Variants in COPG2 observed in about 807,000 individuals in gnomAD.
COPG2 encodes the protein coatomer subunit gamma-2.
COPG2 carries 37 observed loss-of-function variants against 46.3 expected under a neutral mutation model. That is an observed-to-expected ratio of 0.80 (90% CI 0.61 to 1.05). The LOEUF (loss-of-function observed/expected upper bound fraction) is 1.05. Among genes scored for constraint, COPG2 ranks in the 50% least tolerant of loss-of-function variants. COPG2 has a pLI of 0.00. For missense variants in COPG2, 427 were observed against 387.8 expected (o/e 1.10, Z -0.85); for synonymous variants, 159 against 129.7 (o/e 1.23, Z -1.53).
chr7:130,519,618 A>T (rs1185004819), intron 20 of COPG2, among the ~76,000 whole-genome samples: 1 of 152,158 alleles, frequency 6.6e-6, no homozygotes, highest in Non-Finnish European at 1.5e-5. Flanking sequence ...GTAGAAGGGA[A>T]ATGTTCAGGT....
intron 9 of COPG2, among the ~76,000 whole-genome samples, chr7:130,591,689 C>T (rs1554448983): frequency 6.8e-6 from 1 of 146,480 alleles, no homozygotes; most frequent in East Asian, 2.1e-4. Context: ...AAGTGAGGAG[C>T]CCCTCTGCCC....
chr7:130,656,914 A>T (rs1304887772), intron 4 of COPG2, among the ~76,000 whole-genome samples: 1 of 151,208 alleles, frequency 6.6e-6, no homozygotes, highest in Non-Finnish European at 1.5e-5. Flanking sequence ...CCAAAGTTCC[A>T]GCAGCATTTT....
intron 3 of COPG2, among the ~76,000 whole-genome samples, chr7:130,664,533 AG>A (rs1777685550): frequency 6.6e-6 from 1 of 152,224 alleles, no homozygotes; most frequent in Admixed American, 6.5e-5. Context: ...GAAATTCAAA[AG>A]TATCTTTCTA....
At chr7:130,582,571 T>C (rs1156826448) in intron 9 of COPG2, among the ~76,000 whole-genome samples, 2 of 150,950 alleles carry the variant, frequency 1.3e-5, no homozygotes, top group Admixed American at 6.6e-5. Context: ...ACCTACAAAA[T>C]GGGAGAAAAT....
chr7:130,608,382 C>T, intron 9 of COPG2: 1 of 234,414 alleles, frequency 4.3e-6, no homozygotes, highest in Non-Finnish European at 8.5e-6. Flanking sequence ...TTTACCTACA[C>T]ATTTACCCTT....
chr7:130,589,756 G>A (rs1238953835), intron 9 of COPG2, among the ~76,000 whole-genome samples: 1 of 152,040 alleles, frequency 6.6e-6, no homozygotes, highest in African/African-American at 2.4e-5. Flanking sequence ...CCTTGTTTTA[G>A]TCTGCATTTC....
intron 20 of COPG2, among the ~76,000 whole-genome samples, chr7:130,528,517 G>A (rs1044931526): frequency 6.6e-6 from 1 of 152,042 alleles, no homozygotes; most frequent in Non-Finnish European, 1.5e-5. Flanking sequence ...GAAGGGAGGA[G>A]GTACCTGAGA....
At chr7:130,590,309 G>A (rs951343788) in intron 9 of COPG2, among the ~76,000 whole-genome samples, 8 of 150,558 alleles carry the variant, frequency 5.3e-5, no homozygotes, top group East Asian at 3.9e-4. Context: ...ATGCCGAGCC[G>A]AAGCTGGACT....
At chr7:130,664,482 A>G (rs1796035861) in intron 3 of COPG2, among the ~76,000 whole-genome samples, 1 of 152,210 alleles carries the variant, frequency 6.6e-6, no homozygotes, top group South Asian at 2.1e-4. Context: ...CTACTTTTTT[A>G]CTTGAAACTC....
chr7:130,622,686 C>T (rs1795059320), intron 5 of COPG2, among the ~76,000 whole-genome samples: 1 of 152,174 alleles, frequency 6.6e-6, no homozygotes, highest in African/African-American at 2.4e-5. Flanking sequence ...CTTCCTAAAA[C>T]CACCCATTCT....
At chr7:130,553,780 G>C (rs937464000) in intron 14 of COPG2, among the ~76,000 whole-genome samples, 4 of 152,188 alleles carry the variant, frequency 2.6e-5, no homozygotes, top group South Asian at 2.1e-4. Context: ...CTGTAAATAA[G>C]AGTGAGGAGT....
chr7:130,564,590 A>G, intron 9 of COPG2, 197 bp from the exon 10 acceptor site: 1 of 385,556 alleles, frequency 2.6e-6, no homozygotes, highest in East Asian at 3.7e-5. Context: ...CTAAAAAATT[A>G]ATCAAAGATT....
intron 4 of COPG2, among the ~76,000 whole-genome samples, chr7:130,660,519 T>C (rs1554460581): frequency 6.6e-6 from 1 of 152,184 alleles, no homozygotes; most frequent in Non-Finnish European, 1.5e-5. Flanking sequence ...GGGAAGCTTA[T>C]GCCTTTATAC....
chr7:130,657,728 T>C (rs1323151064), intron 4 of COPG2, among the ~76,000 whole-genome samples: 1 of 152,048 alleles, frequency 6.6e-6, no homozygotes, highest in Non-Finnish European at 1.5e-5. Flanking sequence ...GCAAAAGATA[T>C]TAACAAATCC....
At chr7:130,517,941 T>C (rs1799692522) in intron 20 of COPG2, among the ~76,000 whole-genome samples, 1 of 152,126 alleles carries the variant, frequency 6.6e-6, no homozygotes, top group African/African-American at 2.4e-5. Context: ...AAGATTGCAA[T>C]GAGTGGTGTA....
At chr7:130,540,018 T>G (rs915071441) in intron 20 of COPG2, among the ~76,000 whole-genome samples, 11 of 136,732 alleles carry the variant, frequency 8.0e-5, no homozygotes, top group African/African-American at 2.5e-4. Context: ...TTGCTATGGA[T>G]GCAGTGGGGA....
intron 9 of COPG2, among the ~76,000 whole-genome samples, chr7:130,577,876 A>C (rs1794041089): frequency 6.6e-6 from 1 of 151,894 alleles, no homozygotes; most frequent in Non-Finnish European, 1.5e-5. Context: ...GATTGCTAGC[A>C]CAGCAGTCTG....
At chr7:130,622,063 G>A (rs984324940) in intron 5 of COPG2, among the ~76,000 whole-genome samples, 1 of 151,918 alleles carries the variant, frequency 6.6e-6, no homozygotes, top group Non-Finnish European at 1.5e-5. Context: ...TGTCCTGACA[G>A]CAAAGGCTTG....
In COPG2 at chr7:130,630,052, G is replaced by A. The variant is rs557011913; in HGVS notation, c.324-12987C>T. Among the ~76,000 whole-genome samples the A allele has an allele frequency of 7.2e-4, 109 of 151,992 alleles. No homozygotes were observed. The Middle Eastern group carries it at 0.017, about 24-fold the overall frequency. ...CTCGCCTCAGCCTCCCAAGTACTGGGATTACAGACACGCGCCACCATACCT... is the reference window on the plus strand; with the variant it reads ...CTCGCCTCAGCCTCCCAAGTACTGGAATTACAGACACGCGCCACCATACCT... On this transcript the variant is annotated intron_variant, in intron 5 of 23. Transcript: ENST00000425248.
Sources: allele counts gnomAD v4.1 joint callset (sites outside exome capture counted in the v4.1 genomes callset), GRCh38; gene constraint gnomAD v4.1.1; transcripts MANE v1.5; gene names NCBI Gene and HGNC (gene_info 2026-07-23, HGNC 2026-07-21).